Variants in FSTL5 observed in about 807,000 individuals in gnomAD.
FSTL5 encodes follistatin like 5, also known as follistatin-related protein 5.
FSTL5 carries 62 observed loss-of-function variants against 89.1 expected under a neutral mutation model. That is an observed-to-expected ratio of 0.70 (90% CI 0.57 to 0.86). The LOEUF (loss-of-function observed/expected upper bound fraction) is 0.86, where lower values mean the gene tolerates loss of function less well. FSTL5 is among the 40% of genes least tolerant of loss of function. The probability of loss-of-function intolerance (pLI) is 0.00; values close to 1 mark genes in which losing one functional copy is unlikely to be tolerated. For missense variants in FSTL5, 1,057 were observed against 1,001.6 expected (o/e 1.06, Z -0.75); for synonymous variants, 383 against 346.2 (o/e 1.11, Z -1.18).
At chr4:161,521,611 A>G (rs188949756) in intron 10 of FSTL5, among the ~76,000 whole-genome samples, 20 of 152,094 alleles carry the variant, frequency 1.3e-4, no homozygotes, top group African/African-American at 4.3e-4. Flanking sequence ...CACTTTGAGA[A>G]GCCGAGGCGG....
intron 3 of FSTL5, among the ~76,000 whole-genome samples, chr4:161,979,727 A>C (rs2111042884): frequency 6.6e-6 from 1 of 152,158 alleles, no homozygotes; most frequent in Non-Finnish European, 1.5e-5. Flanking sequence ...CTCAGTATTT[A>C]TTTATTTTCT....
intron 3 of FSTL5, 45 bp downstream of exon 3, chr4:162,033,580 G>A: frequency 9.8e-7 from 1 of 1,024,508 alleles, no homozygotes; most frequent in Non-Finnish European, 1.4e-6. Flanking sequence ...TTTTCTTTCT[G>A]TTATGAACTT....
rs187046129 is a variant in FSTL5 at position 161,901,710 on chromosome 4, G to A, written c.409+18694C>T. Among the ~76,000 whole-genome samples, 57 of 152,230 alleles carry A rather than the reference G, an allele frequency of 3.7e-4. No homozygotes were observed. In the East Asian group the frequency reaches 7.7e-3, roughly 21 times the overall value. Reference sequence around the variant, plus strand: ...GCACTTTGGGAAGCCGAGGTGGGGCGGATTGCCTGAGCTCAGGAGTTCCAG... The same window carrying A: ...GCACTTTGGGAAGCCGAGGTGGGGCAGATTGCCTGAGCTCAGGAGTTCCAG... On this transcript the variant is annotated intron_variant, in intron 4 of 15. Transcript: ENST00000306100.
At chr4:161,603,024 G>A (rs1734303675) in intron 7 of FSTL5, among the ~76,000 whole-genome samples, 1 of 152,150 alleles carries the variant, frequency 6.6e-6, no homozygotes. Context: ...AAAAAGGGTA[G>A]TTGTGTACCT....
chr4:162,150,464 CAATT>C (rs1191002496), intron 1 of FSTL5, among the ~76,000 whole-genome samples: 1 of 152,060 alleles, frequency 6.6e-6, no homozygotes, highest in Non-Finnish European at 1.5e-5. Flanking sequence ...GTTCAATAAA[CAATT>C]ATTATTATTC....
At chr4:161,838,708 T>C (rs971229454) in intron 4 of FSTL5, among the ~76,000 whole-genome samples, 1 of 152,084 alleles carries the variant, frequency 6.6e-6, no homozygotes, top group African/African-American at 2.4e-5. Context: ...GGTGCCAAAA[T>C]ATAAATATAT....
chr4:161,884,945 A>G (rs917856862), intron 4 of FSTL5, among the ~76,000 whole-genome samples: 1 of 152,130 alleles, frequency 6.6e-6, no homozygotes, highest in African/African-American at 2.4e-5. Flanking sequence ...TCTTCATCTC[A>G]ATTTTAGATA....
intron 3 of FSTL5, among the ~76,000 whole-genome samples, chr4:161,944,164 T>C (rs1457975252): frequency 6.6e-6 from 1 of 152,154 alleles, no homozygotes; most frequent in Non-Finnish European, 1.5e-5. Context: ...ATTCTGAAAT[T>C]GGATGTATTT....
intron 2 of FSTL5, among the ~76,000 whole-genome samples, chr4:162,060,451 T>A (rs954423363): frequency 6.6e-6 from 1 of 152,104 alleles, no homozygotes; most frequent in Non-Finnish European, 1.5e-5. Context: ...AGTTTAATAA[T>A]GTATGAGTCT....
intron 1 of FSTL5, among the ~76,000 whole-genome samples, chr4:162,120,039 C>G (rs1284726609): frequency 6.6e-6 from 1 of 151,984 alleles, no homozygotes; most frequent in East Asian, 1.9e-4. Context: ...TTTAATTTTA[C>G]CCTTTCAAAA....
chr4:161,481,022 G>T lies in FSTL5; in HGVS notation c.1606C>A (p.Gln536Lys). 1 of 1,606,882 alleles carries T rather than the reference G, an allele frequency of 6.2e-7. No homozygotes were observed. The highest frequency in any genetic ancestry group is 2.2e-5 in the East Asian group (1 of 44,652). ...TAAAAAGTAGTAATTATTCATACCT[G>T]AACAACTTTTTGGGACTGCACATCA... ...IVDVQSQKVV[Q>K]AVSTDPVPVK... The change falls in exon 13 of 16, where the codon CAG becomes AAG. Residue 536 changes from glutamine (Q) to lysine (K), a missense_variant and splice_region_variant. Physicochemically the swap from Gln to Lys is moderately conservative, Grantham distance 53. Around this residue, in one of 3 missense-constraint regions of FSTL5, gnomAD observed 980 missense variants for 903.2 expected, o/e 1.08. Transcript: ENST00000306100.
chr4:161,523,478 C>A (rs1731103510), intron 10 of FSTL5, among the ~76,000 whole-genome samples: 1 of 152,150 alleles, frequency 6.6e-6, no homozygotes, highest in Non-Finnish European at 1.5e-5. Context: ...AGGCCTAAGG[C>A]ATAATTTAGT....
chr4:161,435,534 G>A (rs1025672630), intron 15 of FSTL5, among the ~76,000 whole-genome samples: 2 of 135,684 alleles, frequency 1.5e-5, no homozygotes, highest in African/African-American at 5.1e-5. Flanking sequence ...GGTGGCTACA[G>A]TCAACAATCA....
chr4:162,058,734 T>G (rs894698692), intron 2 of FSTL5, among the ~76,000 whole-genome samples: 6 of 152,016 alleles, frequency 3.9e-5, no homozygotes, highest in African/African-American at 1.4e-4. Flanking sequence ...TGGCAGCAAC[T>G]GATCTATTCA....
At chr4:161,563,454 C>T (rs78082234) in intron 8 of FSTL5, among the ~76,000 whole-genome samples, 2 of 151,820 alleles carry the variant, frequency 1.3e-5, no homozygotes, top group Non-Finnish European at 2.9e-5. Context: ...TCTGACCATC[C>T]GTTATTTTCC....
intron 7 of FSTL5, among the ~76,000 whole-genome samples, chr4:161,631,350 G>T (rs764733166): frequency 6.6e-6 from 1 of 152,102 alleles, no homozygotes; most frequent in Non-Finnish European, 1.5e-5. Flanking sequence ...GGCCCGGCAC[G>T]GTCATGCCTG....
chr4:161,924,083 A>T (rs968849850), intron 3 of FSTL5, among the ~76,000 whole-genome samples: 1 of 151,760 alleles, frequency 6.6e-6, no homozygotes, highest in Non-Finnish European at 1.5e-5. Flanking sequence ...AAGTACATTC[A>T]GTCAGATAAC....
intron 6 of FSTL5, among the ~76,000 whole-genome samples, chr4:161,741,913 A>T (rs751093643): frequency 6.6e-6 from 1 of 151,954 alleles, no homozygotes; most frequent in Non-Finnish European, 1.5e-5. Context: ...TGATTTTTTA[A>T]TAAGTAGGCA....
chr4:161,726,202 C>T (rs890967698), intron 6 of FSTL5, among the ~76,000 whole-genome samples: 1 of 147,132 alleles, frequency 6.8e-6, no homozygotes, highest in African/African-American at 2.5e-5. Flanking sequence ...TAGGATGCAA[C>T]TCTTTTTTTT....
Sources: allele counts gnomAD v4.1 joint callset (sites outside exome capture counted in the v4.1 genomes callset), GRCh38; gene constraint gnomAD v4.1.1; regional missense constraint gnomAD v4.1.1; transcripts MANE v1.5; gene names NCBI Gene and HGNC (gene_info 2026-07-23, HGNC 2026-07-21).